GMPR: variants seen among roughly 807,000 people sequenced by gnomAD.
The protein encoded by GMPR is GMP reductase 1.
GMPR carries 31 observed loss-of-function variants against 38.4 expected under a neutral mutation model. That is an observed-to-expected ratio of 0.81 (90% confidence interval 0.61 to 1.09). The LOEUF is 1.09. GMPR is among the 50% of genes least tolerant of loss of function. The probability of loss-of-function intolerance (pLI) is 0.00; values close to 1 mark genes in which losing one functional copy is unlikely to be tolerated. For missense variants in GMPR, 468 were observed against 453.7 expected, an observed-to-expected ratio of 1.03 and a Z score of -0.29; for synonymous variants, 162 against 173.3, an observed-to-expected ratio of 0.93 and a Z score of 0.51.
chr6:16,271,281 C>A (rs942104331), intron 4 of GMPR, among the ~76,000 whole-genome samples: 4 of 151,922 alleles, frequency 2.6e-5, no homozygotes, highest in Admixed American at 2.6e-4. Flanking sequence ...AGCTCAGGAG[C>A]TTGAGACCAG....
chr6:16,254,811 G>A, intron 4 of GMPR, 76 bp downstream of exon 4: 1 of 1,045,336 alleles, frequency 9.6e-7, no homozygotes, highest in South Asian at 1.4e-5. Flanking sequence ...ATGTGTCGGG[G>A]GAGCTGTATC....
intron 4 of GMPR, among the ~76,000 whole-genome samples, chr6:16,260,934 T>A (rs1276692804): frequency 1.3e-5 from 2 of 151,954 alleles, no homozygotes; most frequent in Non-Finnish European, 2.9e-5. Flanking sequence ...TGAGTACAGC[T>A]GAAGGAGCCG....
At chr6:16,293,723 A>G (rs1759881488) in intron 8 of GMPR, among the ~76,000 whole-genome samples, 1 of 152,178 alleles carries the variant, frequency 6.6e-6, no homozygotes, top group Non-Finnish European at 1.5e-5. Flanking sequence ...GCTTGAACCC[A>G]GGAGGCAGAG....
At chr6:16,289,310 C>T (rs569667347) in intron 7 of GMPR, among the ~76,000 whole-genome samples, 50 of 152,306 alleles carry the variant, frequency 3.3e-4, no homozygotes, top group Admixed American at 2.6e-4. Flanking sequence ...CCCACCAGTT[C>T]CGAACACAGT....
chr6:16,262,274 A>G (rs60513106), intron 4 of GMPR: 9,762 of 151,748 alleles, frequency 0.064, 661 homozygotes, highest in African/African-American at 0.17. Context: ...CCGCTAAGCC[A>G]AGAAGATGTG....
chr6:16,255,246 C>T (rs1410024148), intron 4 of GMPR, among the ~76,000 whole-genome samples: 1 of 152,162 alleles, frequency 6.6e-6, no homozygotes, highest in Non-Finnish European at 1.5e-5. Flanking sequence ...CTCCTGACCT[C>T]AGGTGATCCA....
chr6:16,266,206 C>A (rs147850416), intron 4 of GMPR, among the ~76,000 whole-genome samples: 8 of 146,910 alleles, frequency 5.4e-5, no homozygotes, highest in Non-Finnish European at 1.2e-4. Context: ...CTGTAACACT[C>A]GCTGCGAAGA....
At chr6:16,241,866 C>T (rs566512031) in intron 1 of GMPR, among the ~76,000 whole-genome samples, 16 of 152,102 alleles carry the variant, frequency 1.1e-4, no homozygotes, top group Middle Eastern at 6.8e-3. Flanking sequence ...CTCAGGCTCC[C>T]GAGAAGCTGG....
At chr6:16,284,975 C>G (rs1462141321) in intron 6 of GMPR, among the ~76,000 whole-genome samples, 3 of 145,144 alleles carry the variant, frequency 2.1e-5, no homozygotes, top group African/African-American at 7.8e-5. Context: ...GCCGAGATCA[C>G]GCCATTACAC....
chr6:16,271,873 C>G (rs1437034274), intron 4 of GMPR, among the ~76,000 whole-genome samples: 2 of 151,962 alleles, frequency 1.3e-5, no homozygotes, highest in Non-Finnish European at 2.9e-5. Flanking sequence ...TCTATTTCTC[C>G]CAACATTATA....
intron 7 of GMPR, among the ~76,000 whole-genome samples, chr6:16,289,107 C>T (rs767198918): frequency 1.1e-4 from 17 of 152,372 alleles, no homozygotes; most frequent in Admixed American, 4.6e-4. Flanking sequence ...GATTCTGTTG[C>T]TGCTCGGTCT....
In GMPR at chr6:16,295,112, G is replaced by A. The variant is rs538850176; in HGVS notation, c.964G>A (p.Ala322Thr). 37 of 1,577,386 alleles carry A rather than the reference G, an allele frequency of 2.3e-5. No homozygotes were observed. The highest frequency in any genetic ancestry group is 8.4e-5 in the African/African-American group (6 of 71,710). ...LRSTCTYVGA[A>T]KLKELSRRAT... ...GTCCACGTGCACCTACGTGGGGGCC[G>A]CCAAACTCAAGGAGCTCAGCAGGAG... The change falls in exon 9 of 9, where the codon GCC becomes ACC. Residue 322 changes from alanine to threonine, a missense_variant. Ala to Thr is a moderately conservative substitution (Grantham distance 58). Coordinates refer to ENST00000259727, the MANE Select transcript of GMPR (RefSeq NM_006877.4).
chr6:16,272,703 GT>G (rs1759406927), intron 4 of GMPR, among the ~76,000 whole-genome samples: 1 of 152,086 alleles, frequency 6.6e-6, no homozygotes, highest in Admixed American at 6.5e-5. Context: ...TTTCTTATAG[GT>G]TTGTAAGAGC....
intron 4 of GMPR, chr6:16,263,055 G>A (rs1351875776): frequency 6.6e-6 from 1 of 151,972 alleles, no homozygotes; most frequent in Non-Finnish European, 1.5e-5. Context: ...GCAGCCTGGG[G>A]AGGAGGGGAG....
intron 5 of GMPR, among the ~76,000 whole-genome samples, chr6:16,275,844 G>A (rs1296331754): frequency 6.6e-6 from 1 of 152,184 alleles, no homozygotes; most frequent in Non-Finnish European, 1.5e-5. Context: ...GATCGCTTGA[G>A]CCCAGGAGTT....
At chr6:16,256,235 G>A (rs1316194893) in intron 4 of GMPR, among the ~76,000 whole-genome samples, 2 of 150,046 alleles carry the variant, frequency 1.3e-5, no homozygotes, top group Non-Finnish European at 1.5e-5. Context: ...AAAAGAATTG[G>A]CCGGGTGCAG....
chr6:16,275,728 T>G (rs1049742817), intron 5 of GMPR, among the ~76,000 whole-genome samples: 2 of 152,146 alleles, frequency 1.3e-5, no homozygotes, highest in Non-Finnish European at 2.9e-5. Flanking sequence ...CTCTTTTTAG[T>G]CCCAAAGGCA....
chr6:16,269,464 A>G (rs1238298102), intron 4 of GMPR, among the ~76,000 whole-genome samples: 1 of 152,192 alleles, frequency 6.6e-6, no homozygotes, highest in Non-Finnish European at 1.5e-5. Flanking sequence ...TCAGGCTGCA[A>G]TAACAAGATA....
Position 16,246,292 on chromosome 6 carries a change from A to G in GMPR, c.88-550A>G, listed in dbSNP as rs780489145. On this transcript the variant is annotated intron_variant, in intron 1 of 8. Coordinates refer to ENST00000259727, the MANE Select transcript of GMPR (RefSeq NM_006877.4). Reference sequence around the variant, plus strand: ...TCCCCACCCAGCTGCTTGCAAGTCAAAGGAACAAGTGTTGATATGCAGGAA... The same window carrying G: ...TCCCCACCCAGCTGCTTGCAAGTCAGAGGAACAAGTGTTGATATGCAGGAA... Among the ~76,000 whole-genome samples, 4 of 152,348 alleles carry G rather than the reference A, an allele frequency of 2.6e-5. No individual in the cohort carries two copies. The South Asian group carries it at 6.2e-4, about 24-fold the overall frequency.
Sources: allele counts gnomAD v4.1 joint callset (sites outside exome capture counted in the v4.1 genomes callset), GRCh38; gene constraint gnomAD v4.1.1; transcripts MANE v1.5; gene names NCBI Gene and HGNC (gene_info 2026-07-23, HGNC 2026-07-21).